MYPN: variants seen among roughly 807,000 people sequenced by gnomAD.
The protein encoded by MYPN is myopalladin.
Under a neutral mutation model 129.4 loss-of-function variants are expected in MYPN, and 63 were observed. The ratio of observed to expected loss-of-function variants is 0.49; its 90% CI spans 0.40 to 0.60. MYPN has a LOEUF of 0.60. Among genes scored for constraint, MYPN ranks in the 20% least tolerant of loss-of-function variants. The pLI, the probability that MYPN is intolerant of heterozygous loss-of-function variation, is 0.00. For missense variants in MYPN, 1,596 were observed against 1,635.4 expected (o/e 0.98, Z 0.42); for synonymous variants, 629 against 600.9 (o/e 1.05, Z -0.68).
intron 6 of MYPN, among the ~76,000 whole-genome samples, chr10:68,152,417 G>C (rs560619745): frequency 6.6e-6 from 1 of 151,936 alleles, no homozygotes; most frequent in African/African-American, 2.4e-5. Context: ...GGTGCAGAGC[G>C]GGTGTGCGCT....
At chr10:68,160,825 G>C (rs2042963870) in intron 7 of MYPN, among the ~76,000 whole-genome samples, 1 of 152,180 alleles carries the variant, frequency 6.6e-6, no homozygotes, top group Non-Finnish European at 1.5e-5. Flanking sequence ...CCTGAGGTAG[G>C]AGAATCACTT....
Position 68,210,700 on chromosome 10 carries a change from G to GGCAA in MYPN, c.*245_*246insGCAA. 3.3e-6 allele frequency: 2 copies of GGCAA among 608,092 alleles called. No individual in the cohort carries two copies. Among genetic ancestry groups the GGCAA allele is most frequent in the South Asian group, 3.0e-5 (2 of 65,900 alleles). The allele number at this position is 608,092 out of a possible 1,614,324, so 37.7% of individuals were successfully genotyped here. A position where few individuals can be genotyped will look rare whatever the true frequency, so the allele number is the denominator to read the frequency against. On this transcript the variant is annotated 3_prime_UTR_variant, in exon 20 of 20. Coordinates refer to ENST00000358913, the MANE Select transcript of MYPN (RefSeq NM_032578.4). ...AAGATAATACAGATGAACCAAAGAT[G>GGCAA]TCACACAGTTGCCATCCACTGCTTT...
chr10:68,140,026 T>C (rs1433998318), intron 2 of MYPN, among the ~76,000 whole-genome samples: 1 of 152,088 alleles, frequency 6.6e-6, no homozygotes, highest in Non-Finnish European at 1.5e-5. Flanking sequence ...ATAAGGGGGC[T>C]ATATTGGGAA....
At chr10:68,127,416 C>T (rs1344315318) in intron 2 of MYPN, among the ~76,000 whole-genome samples, 2 of 139,688 alleles carry the variant, frequency 1.4e-5, no homozygotes, top group Admixed American at 7.8e-5. Context: ...CTCACTGCAA[C>T]CTCCGCCTCC....
intron 19 of MYPN, among the ~76,000 whole-genome samples, chr10:68,208,657 C>T (rs750518531): frequency 6.6e-6 from 1 of 152,158 alleles, no homozygotes; most frequent in African/African-American, 2.4e-5. Flanking sequence ...GGTCACTTTG[C>T]CCTGGCTCTC....
At chr10:68,108,402 T>G (rs2042038269), upstream of MYPN, among the ~76,000 whole-genome samples, 1 of 152,190 alleles carries the variant, frequency 6.6e-6, no homozygotes, top group African/African-American at 2.4e-5. Context: ...AGGTCAGAAA[T>G]TTTTGTGTAT....
intron 6 of MYPN, among the ~76,000 whole-genome samples, chr10:68,152,954 G>GTTATTTTATT (rs1182665350): frequency 1.3e-5 from 2 of 148,674 alleles, no homozygotes; most frequent in African/African-American, 4.9e-5. Flanking sequence ...TTTATTTTAT[G>GTTATTTTATT]TTATTTTATT....
intron 2 of MYPN, among the ~76,000 whole-genome samples, chr10:68,127,319 CT>C (rs71470508): frequency 0.016 from 1,176 of 72,546 alleles, 3 homozygotes; most frequent in African/African-American, 0.021. Context: ...ACACATATAT[CT>C]TTTTTTTTTT....
intron 10 of MYPN, 129 bp downstream of exon 10, chr10:68,166,795 G>A (rs1205840950): frequency 1.0e-5 from 13 of 1,283,372 alleles, no homozygotes; most frequent in Non-Finnish European, 1.3e-5. Flanking sequence ...TTGGGAGGCT[G>A]AGGCAGGAGG....
intron 18 of MYPN, 127 bp from the exon 19 acceptor site, chr10:68,206,643 T>G: frequency 1.5e-6 from 2 of 1,300,488 alleles, no homozygotes; most frequent in East Asian, 4.6e-5. Flanking sequence ...CTTTGACGTC[T>G]TCCACCTTCA....
chr10:68,176,980 T>C (rs1303753974), intron 12 of MYPN, among the ~76,000 whole-genome samples: 1 of 152,240 alleles, frequency 6.6e-6, no homozygotes. Context: ...TAAGTGTCAT[T>C]GTAATTATAG....
At chr10:68,100,340 A>G (rs192122550) in intron 1 of MYPN, among the ~76,000 whole-genome samples, 3 of 152,348 alleles carry the variant, frequency 2.0e-5, no homozygotes, top group Admixed American at 2.0e-4. Flanking sequence ...GTTTGCAGTC[A>G]GTCACAAATA....
intron 2 of MYPN, 136 bp downstream of exon 2, chr10:68,122,476 C>G (rs1323035440): frequency 1.2e-6 from 1 of 860,350 alleles, no homozygotes; most frequent in African/African-American, 1.7e-5. Flanking sequence ...TCTAAAGCAG[C>G]TTGGTCCAAT....
chr10:68,120,014 A>AT (rs2042219747), intron 1 of MYPN, among the ~76,000 whole-genome samples: 1 of 152,226 alleles, frequency 6.6e-6, no homozygotes, highest in African/African-American at 2.4e-5. Context: ...AGTAAGTTCT[A>AT]TTATAGGATG....
chr10:68,089,141 C>T (rs916519726), intron 1 of MYPN, among the ~76,000 whole-genome samples: 3 of 152,148 alleles, frequency 2.0e-5, no homozygotes, highest in African/African-American at 4.8e-5. Flanking sequence ...AAGTGATTCT[C>T]ATGCCTCAGC....
chr10:68,094,864 C>T (rs1296106255), intron 1 of MYPN, among the ~76,000 whole-genome samples: 1 of 152,022 alleles, frequency 6.6e-6, no homozygotes, highest in Non-Finnish European at 1.5e-5. Context: ...GAGTTCGAGA[C>T]CAGTCTGGCC....
chr10:68,173,511 C>T (rs939315592), intron 10 of MYPN, among the ~76,000 whole-genome samples: 1 of 152,182 alleles, frequency 6.6e-6, no homozygotes, highest in South Asian at 2.1e-4. Flanking sequence ...GACAAACTCA[C>T]CAATTATTGA....
chr10:68,173,283 G>A (rs141592680), intron 10 of MYPN, among the ~76,000 whole-genome samples: 1 of 152,330 alleles, frequency 6.6e-6, no homozygotes, highest in East Asian at 1.9e-4. Flanking sequence ...TTCTCATGGA[G>A]AATTCAGCCC....
intron 6 of MYPN, among the ~76,000 whole-genome samples, chr10:68,155,259 T>A (rs1394218777): frequency 2.0e-5 from 3 of 152,166 alleles, no homozygotes; most frequent in African/African-American, 7.2e-5. Context: ...TTATTTTCAT[T>A]ACTTTGTGAC....
Sources: gnomAD v4.1 joint callset for allele counts (sites outside exome capture counted in the v4.1 genomes callset) on GRCh38, gnomAD v4.1.1 for gene constraint, MANE v1.5 for transcripts, NCBI Gene and HGNC (gene_info 2026-07-23, HGNC 2026-07-21) for gene names.